Variants in NSG1 observed in about 807,000 individuals in gnomAD.
The protein encoded by NSG1 is neuronal vesicle trafficking associated 1.
In NSG1, 9 loss-of-function variants were observed where a neutral mutation model predicts 19.3. That is an observed-to-expected ratio of 0.47 (90% CI 0.28 to 0.81). The LOEUF is 0.81. NSG1 is among the 40% of genes least tolerant of loss of function. The probability of loss-of-function intolerance (pLI) is 0.11; values close to 1 mark genes in which losing one functional copy is unlikely to be tolerated. For missense variants in NSG1, 236 were observed against 242.4 expected (o/e 0.97, Z 0.18); for synonymous variants, 104 against 107.0 (o/e 0.97, Z 0.17).
chr4:4,411,451 T>C (rs1005978100), intron 4 of NSG1, among the ~76,000 whole-genome samples: 11 of 152,068 alleles, frequency 7.2e-5, no homozygotes, highest in African/African-American at 2.4e-4. Flanking sequence ...TCTCTTAGGA[T>C]AACAATGCCA....
At chr4:4,389,944 T>C (rs576013612) in intron 2 of NSG1, among the ~76,000 whole-genome samples, 196 of 152,186 alleles carry the variant, frequency 1.3e-3, no homozygotes, top group Non-Finnish European at 2.2e-3. Flanking sequence ...TTACCCCCAT[T>C]TTGCAGATGT....
rs115768248 is a variant in NSG1 at position 4,405,221 on chromosome 4, T to C, written c.247-4352T>C. The stretch of plus-strand genomic sequence containing the variant: ...TTGCTGTGTAGACACAGTGCTGTAA[T>C]CTTCCGTCCTCACGCGGCCCTCTCC... On this transcript the variant is annotated intron_variant, in intron 3 of 4. Coordinates refer to ENST00000621129, the MANE Select transcript of NSG1 (RefSeq NM_014392.5). Among the ~76,000 whole-genome samples, 373 of 152,278 alleles carry C rather than the reference T, an allele frequency of 2.4e-3. 1 individual carries two copies. The highest frequency in any genetic ancestry group is 8.5e-3 in the African/African-American group (352 of 41,556).
Position 4,387,746 on chromosome 4 carries a change from G to T in NSG1, c.117G>T (p.Pro39=). Residue 39 remains proline, a synonymous_variant, in exon 2 of 5, where the codon CCG becomes CCT. Transcript: ENST00000621129. ...TPLDVNQLQF[P]PPDKVVVKTK... is the part of the protein sequence containing the mutation. ...TCGATGTCAATCAGCTGCAGTTCCC[G>T]CCCCCGGATAAGGTAAGCCCCCCCA... 1.2e-6 allele frequency: 2 copies of T among 1,610,176 alleles called. No homozygotes were observed. Among genetic ancestry groups the T allele is most frequent in the Non-Finnish European group, 1.7e-6 (2 of 1,176,954 alleles).
chr4:4,390,770 A>G (rs1302782015), intron 2 of NSG1, among the ~76,000 whole-genome samples: 3 of 152,174 alleles, frequency 2.0e-5, no homozygotes, highest in African/African-American at 7.2e-5. Flanking sequence ...CAGGGCTGTG[A>G]GTGTCCAGGG....
Position 4,409,643 on chromosome 4 carries a change from A to G in NSG1, c.317A>G (p.Tyr106Cys), listed in dbSNP as rs2108749879. ...GTCTTCCTGGTTGTCTACAAGGTGT[A>G]CAAGTATGACCGCGCCTGCCCCGAT... ...CVVFLVVYKV[Y>C]KYDRACPDGF... Residue 106 changes from tyrosine to cysteine, a missense_variant, in exon 4 of 5, where the codon TAC (tyrosine) becomes TGC (cysteine). Transcript: ENST00000621129. The G allele has an allele frequency of 6.2e-7, 1 of 1,614,144 alleles. No homozygotes were observed. Among genetic ancestry groups the G allele is most frequent in the African/African-American group, 1.3e-5 (1 of 75,036 alleles).
intron 3 of NSG1, among the ~76,000 whole-genome samples, chr4:4,398,829 G>A (rs1723402712): frequency 6.6e-6 from 1 of 152,142 alleles, no homozygotes; most frequent in Admixed American, 6.5e-5. Flanking sequence ...TGGGCTGTGT[G>A]GTAATTTGAT....
chr4:4,394,477 G>C (rs542572434), intron 3 of NSG1, among the ~76,000 whole-genome samples: 129 of 152,188 alleles, frequency 8.5e-4, no homozygotes, highest in Admixed American at 1.8e-3. Flanking sequence ...TTCTCTTTGG[G>C]TGTGAAACCT....
upstream of NSG1, chr4:4,386,832 G>A (rs1371272371): frequency 6.6e-6 from 1 of 152,208 alleles, no homozygotes; most frequent in Non-Finnish European, 1.5e-5. Flanking sequence ...AGACCCCCTG[G>A]GGGCGCGTCC....
chr4:4,389,629 G>T (rs761511555), intron 2 of NSG1, among the ~76,000 whole-genome samples: 11 of 152,160 alleles, frequency 7.2e-5, no homozygotes, highest in Non-Finnish European at 1.5e-4. Context: ...CTCTTAACCT[G>T]AACAACAGCA....
chr4:4,387,251 T>C (rs553646991), intron 1 of NSG1, 78 bp downstream of exon 1: 2,262 of 194,324 alleles, frequency 0.012, 52 homozygotes, highest in African/African-American at 0.049. Context: ...GGGATGCCCA[T>C]CTCCCGGAGT....
At chr4:4,387,561 C>CGGGGGGGGGGTGG in intron 1 of NSG1, 43 bp from the exon 2 acceptor site, 2 of 1,141,990 alleles carry the variant, frequency 1.8e-6, no homozygotes, top group Non-Finnish European at 2.5e-6. Flanking sequence ...CGCCCCGCCC[C>CGGGGGGGGGGTGG]GGGTCTTGCT....
At chr4:4,404,310 C>T (rs1723733402) in intron 3 of NSG1, among the ~76,000 whole-genome samples, 2 of 152,192 alleles carry the variant, frequency 1.3e-5, no homozygotes, top group African/African-American at 4.8e-5. Context: ...AGTGGGGCTC[C>T]CATAGGGTAA....
intron 3 of NSG1, among the ~76,000 whole-genome samples, chr4:4,407,252 G>T (rs975442620): frequency 1.3e-5 from 2 of 152,206 alleles, no homozygotes; most frequent in African/African-American, 4.8e-5. Flanking sequence ...GGAACTGGCA[G>T]GACCTGGGGA....
intron 3 of NSG1, among the ~76,000 whole-genome samples, chr4:4,401,388 G>A (rs1459636365): frequency 2.6e-5 from 4 of 152,108 alleles, no homozygotes; most frequent in South Asian, 2.1e-4. Context: ...CTTTGTCGCC[G>A]GGCTCGTGTT....
intron 3 of NSG1, among the ~76,000 whole-genome samples, chr4:4,407,410 G>A (rs1208346351): frequency 6.6e-6 from 1 of 152,086 alleles, no homozygotes; most frequent in Non-Finnish European, 1.5e-5. Context: ...CGGGCGGTGG[G>A]ATGTAGCAGG....
At chr4:4,392,753 C>G (rs1176790467) in intron 3 of NSG1, among the ~76,000 whole-genome samples, 8 of 152,288 alleles carry the variant, frequency 5.3e-5, no homozygotes, top group African/African-American at 1.7e-4. Context: ...GTCAGCTCAG[C>G]AAATCCTCCC....
chr4:4,398,454 C>CG (rs1553816885), intron 3 of NSG1, among the ~76,000 whole-genome samples: 1 of 152,108 alleles, frequency 6.6e-6, no homozygotes, highest in Non-Finnish European at 1.5e-5. Context: ...TGCCCCCCCC[C>CG]ACAGCCCCTG....
In NSG1 at chr4:4,387,910, C is replaced by T. The variant is rs574999392; in HGVS notation, c.129+152C>T. On this transcript the variant is annotated intron_variant, in intron 2 of 4. Coordinates refer to ENST00000621129, the MANE Select transcript of NSG1 (RefSeq NM_014392.5). ...GGGAGCGCGGCGAGGACAGTGTACC[C>T]GCGCGGGATTCTGGATCGCGGGATG... 188 of 670,268 alleles carry T rather than the reference C, an allele frequency of 2.8e-4. 1 individual carries two copies. Among genetic ancestry groups the T allele is most frequent in the African/African-American group, 2.7e-3 (145 of 54,544 alleles). The allele number at this position is 670,268 out of a possible 1,614,324, so 41.5% of individuals were successfully genotyped here.
rs370118010 is a variant in NSG1, at chr4:4,392,414, G to T, written c.246+823G>T. 2.6e-4 allele frequency among the ~76,000 whole-genome samples: 40 copies of T among 152,326 alleles called. No homozygotes were observed. In the South Asian group the frequency reaches 8.3e-3, roughly 32 times the overall value. On this transcript the variant is annotated intron_variant, in intron 3 of 4. Transcript: ENST00000621129. ...GCCCCAGGCCTTGCAGAGTGGCCCT[G>T]TCTGGCTCTCTGGTCACCCTCCACT...
Sources: gnomAD v4.1 joint callset for allele counts (sites outside exome capture counted in the v4.1 genomes callset) on GRCh38, gnomAD v4.1.1 for gene constraint, MANE v1.5 for transcripts, NCBI Gene and HGNC (gene_info 2026-07-23, HGNC 2026-07-21) for gene names.